Variants in POTEF observed in about 807,000 individuals in gnomAD.
POTEF encodes ANKRD26-like family C member 1B.
Under a neutral mutation model 83.2 loss-of-function variants are expected in POTEF, and 20 were observed. The ratio of observed to expected loss-of-function variants is 0.24; its 90% CI spans 0.17 to 0.35. The LOEUF (loss-of-function observed/expected upper bound fraction) is 0.35, where lower values mean the gene tolerates loss of function less well. Among genes scored for constraint, POTEF ranks in the 10% least tolerant of loss-of-function variants. The pLI, the probability that POTEF is intolerant of heterozygous loss-of-function variation, is 1.00. For synonymous variants in POTEF, 196 were observed against 446.4 expected, an observed-to-expected ratio of 0.44 and a Z score of 7.07; for missense variants, 550 against 1,203.2, an observed-to-expected ratio of 0.46 and a Z score of 8.03.
In POTEF at chr2:130,114,297, A is replaced by C. The variant is rs192940160; in HGVS notation, c.810+584T>G. Among the ~76,000 whole-genome samples, 1,354 of 151,530 alleles carry C rather than the reference A, an allele frequency of 8.9e-3. 18 individuals carry two copies. The highest frequency in any genetic ancestry group is 0.013 in the Admixed American group (192 of 15,212). ...AACAAATCAGTCAACAACAACAACAACACACACACACACAACCTCTTCATG... is the reference window on the plus strand; with the variant it reads ...AACAAATCAGTCAACAACAACAACACCACACACACACACAACCTCTTCATG... On this transcript the variant is annotated intron_variant, in intron 5 of 16. Transcript: ENST00000409914.
rs1558878615 is a variant in POTEF, at chr2:130,075,023, C to T, written c.2449G>A (p.Glu817Lys). ...EATLNPKANREKMTQIMFETF... is the reference protein window; with the variant it reads ...EATLNPKANRKKMTQIMFETF... Reference sequence around the variant, plus strand: ...TCAAACATGATCTGGGTCATCTTCTCGCGGTTGGCCTTAGGGTTCAGGGTG... The same window carrying T: ...TCAAACATGATCTGGGTCATCTTCTTGCGGTTGGCCTTAGGGTTCAGGGTG... Residue 817 changes from glutamate to lysine, a missense_variant, in exon 17 of 17, where the codon GAG (glutamate) becomes AAG (lysine). Physicochemically the swap from Glu to Lys is moderately conservative, Grantham distance 56. Transcript: ENST00000409914. 2.5e-6 allele frequency: 4 copies of T among 1,613,618 alleles called. No homozygotes were observed. Among genetic ancestry groups the T allele is most frequent in the South Asian group, 2.2e-5 (2 of 91,058 alleles).
At chr2:130,109,913 G>A (rs906025467) in intron 7 of POTEF, among the ~76,000 whole-genome samples, 32 of 151,348 alleles carry the variant, frequency 2.1e-4, no homozygotes, top group Non-Finnish European at 2.9e-4. Context: ...ATAAGCATAG[G>A]TATGGGAATT....
intron 2 of POTEF, among the ~76,000 whole-genome samples, chr2:130,126,585 A>G (rs1414242008): frequency 6.6e-6 from 1 of 152,078 alleles, no homozygotes; most frequent in Non-Finnish European, 1.5e-5. Context: ...AAACCTTCTA[A>G]TGACCTTGAG....
At position 130,110,791 on chromosome 2, in the gene POTEF, C is replaced by A; in HGVS notation, c.918-111G>T. 3 of 927,504 alleles carry A rather than the reference C, an allele frequency of 3.2e-6. 1 individual carries two copies. Among genetic ancestry groups the A allele is most frequent in the Non-Finnish European group, 2.8e-6 (2 of 714,002 alleles). The allele number at this position is 927,504 out of a possible 1,614,324, so 57.5% of individuals were successfully genotyped here. On this transcript the variant is annotated intron_variant, in intron 6 of 16. Transcript: ENST00000409914. ...GTGCAGAATCAAACATTTACATGCA[C>A]TAAAAGACATAAGCAACCTGAGTGC...
chr2:130,104,298 TA>T (rs1684453470), intron 8 of POTEF, among the ~76,000 whole-genome samples: 1 of 141,800 alleles, frequency 7.1e-6, no homozygotes, highest in African/African-American at 2.8e-5. Flanking sequence ...GCTGTGACAA[TA>T]AAGCAAAGAA....
At position 130,124,456 on chromosome 2, in the gene POTEF, T is replaced by C. The variant is rs1685052600; in HGVS notation, c.-94+3253A>G. ...TTAAATTTATCTGACCTGTCCTGTA[T>C]TTCCCTCTTTTGTAATTAGTCATTC... On this transcript the variant is annotated intron_variant, in intron 2 of 16. Coordinates refer to ENST00000409914, the MANE Select transcript of POTEF (RefSeq NM_001099771.2). Among the ~76,000 whole-genome samples, 4 of 118,328 alleles carry C rather than the reference T, an allele frequency of 3.4e-5. No homozygotes were observed. The South Asian group carries it at 1.1e-3, about 31-fold the overall frequency. 77.6% of individuals were successfully genotyped at this position (118,328 alleles called of 152,430 possible).
rs1290556355 is a variant in POTEF, at chr2:130,120,526, C to T, written c.-11G>A. 6 of 1,612,418 alleles carry T rather than the reference C, an allele frequency of 3.7e-6. No homozygotes were observed. The highest frequency in any genetic ancestry group is 4.2e-6 in the Non-Finnish European group (5 of 1,179,696). ...AACCTCAACCACCATCTGCTTTTAACAGCCAGGAGAAGCCAGTAGTAGCCA... is the reference window on the plus strand; with the variant it reads ...AACCTCAACCACCATCTGCTTTTAATAGCCAGGAGAAGCCAGTAGTAGCCA... On this transcript the variant is annotated 5_prime_UTR_variant, in exon 3 of 17. Coordinates refer to ENST00000409914, the MANE Select transcript of POTEF (RefSeq NM_001099771.2).
At chr2:130,120,671 C>T in intron 2 of POTEF, 63 bp from the exon 3 acceptor site, 2 of 1,341,328 alleles carry the variant, frequency 1.5e-6, no homozygotes, top group Non-Finnish European at 2.0e-6. Flanking sequence ...GATTCCAGCC[C>T]AGCCCACCCC....
Position 130,092,965 on chromosome 2 carries a change from G to A in POTEF, c.1480+473C>T, listed in dbSNP as rs940682767. Reference sequence around the variant, plus strand: ...GCCACACAGGAGTAGGTGCGCAGCAGGCAAGCCAGGGAAGCTTCATCTGTA... The same window carrying A: ...GCCACACAGGAGTAGGTGCGCAGCAAGCAAGCCAGGGAAGCTTCATCTGTA... On this transcript the variant is annotated intron_variant, in intron 12 of 16. Coordinates refer to ENST00000409914, the MANE Select transcript of POTEF (RefSeq NM_001099771.2). 1.1e-4 allele frequency among the ~76,000 whole-genome samples: 14 copies of A among 124,000 alleles called. 3 individuals carry two copies. Among genetic ancestry groups the A allele is most frequent in the African/African-American group, 4.5e-4 (14 of 30,786 alleles). 81.3% of individuals were successfully genotyped at this position (124,000 alleles called of 152,430 possible).
chr2:130,100,742 G>T (rs1684346749), intron 9 of POTEF, 22 bp from the exon 10 acceptor site: 1 of 1,607,808 alleles, frequency 6.2e-7, no homozygotes, highest in African/African-American at 1.4e-5. Context: ...AAAACAGAAG[G>T]TTAATTTGCT....
chr2:130,123,344 G>A (rs996370536), intron 2 of POTEF, among the ~76,000 whole-genome samples: 30 of 151,530 alleles, frequency 2.0e-4, no homozygotes, highest in Non-Finnish European at 3.5e-4. Flanking sequence ...GCCAAGAGTT[G>A]ACCAAAGGTG....
chr2:130,076,241 T>TTAA (rs1169136348), intron 16 of POTEF, among the ~76,000 whole-genome samples: 29 of 130,834 alleles, frequency 2.2e-4, no homozygotes, highest in African/African-American at 7.8e-4. Flanking sequence ...ATCGCGATTC[T>TTAA]TAAAAGGAGA....
chr2:130,112,052 A>G lies in POTEF; in HGVS notation c.860T>C (p.Val287Ala), dbSNP rs374497122. ...LLGVHEQKQQ[V>A]VKFLIKKKAN... The stretch of plus-strand genomic sequence containing the variant: ...TTTTTTCTTAATTAAAAATTTCACG[A>G]CTTGCTGTTTTTGCTCATGTACACC... The change falls in exon 6 of 17, where the codon GTC (valine) becomes GCC (alanine). Residue 287 changes from valine to alanine, a missense_variant. Physicochemically the swap from Val to Ala is moderately conservative, Grantham distance 64. Coordinates refer to ENST00000409914, the MANE Select transcript of POTEF (RefSeq NM_001099771.2). 45 of 1,373,432 alleles carry G rather than the reference A, an allele frequency of 3.3e-5. 10 individuals carry two copies. Among genetic ancestry groups the G allele is most frequent in the Non-Finnish European group, 4.4e-5 (45 of 1,023,192 alleles). 85.1% of individuals were successfully genotyped at this position (1,373,432 alleles called of 1,614,324 possible). A position where few individuals can be genotyped will look rare whatever the true frequency, so the allele number is the denominator to read the frequency against.
intron 11 of POTEF, among the ~76,000 whole-genome samples, chr2:130,097,439 A>G (rs1210145218): frequency 8.1e-6 from 1 of 122,970 alleles, no homozygotes; most frequent in Admixed American, 8.4e-5. Context: ...GTAGTTTTCA[A>G]ATTTTATATA....
chr2:130,074,249 A>G lies in POTEF; in HGVS notation c.3223T>C (p.Leu1075=). 3.7e-6 allele frequency: 6 copies of G among 1,608,950 alleles called. 1 individual carries two copies. The highest frequency in any genetic ancestry group is 5.1e-6 in the Non-Finnish European group (6 of 1,178,272). The change falls in exon 17 of 17, where the codon TTG becomes CTG. Residue 1075 remains leucine, a synonymous_variant. Transcript: ENST00000409914. ...GCAACTAAGTCAGAGTCCACCTACA[A>G]GCATTTGCGGTGGACAATGGAGGGG... ...SGPSIVHRKC[L] is the part of the protein sequence containing the mutation.
intron 2 of POTEF, chr2:130,120,997 A>G (rs1684988496): frequency 2.6e-5 from 6 of 230,404 alleles, no homozygotes; most frequent in Admixed American, 5.4e-5. Flanking sequence ...CAGGCCAGCC[A>G]AGCCGTTACG....
chr2:130,098,769 ATATG>A (rs1684320224), intron 11 of POTEF, among the ~76,000 whole-genome samples: 1 of 118,104 alleles, frequency 8.5e-6, no homozygotes, highest in African/African-American at 3.8e-5. Context: ...ACATAAGTAT[ATATG>A]TAACAAATCT....
intron 2 of POTEF, among the ~76,000 whole-genome samples, chr2:130,122,937 CACAG>C (rs1685028540): frequency 6.7e-6 from 1 of 148,802 alleles, no homozygotes; most frequent in Admixed American, 6.7e-5. Context: ...GAGTCTAAAA[CACAG>C]ACAATCTCAC....
chr2:130,111,173 TCTTA>T lies in POTEF; in HGVS notation c.918-497_918-494del, dbSNP rs1307527333. 3.3e-5 allele frequency among the ~76,000 whole-genome samples: 5 copies of T among 150,736 alleles called. No individual in the cohort carries two copies. In the South Asian group the frequency reaches 6.2e-4, roughly 19 times the overall value. On this transcript the variant is annotated intron_variant, in intron 6 of 16. Transcript: ENST00000409914. ...CTGAATTAAATGCCACATATATCTTTCTTACTTATGCACAGCCAACTTTGAAGGA... is the reference window on the plus strand; with the variant it reads ...CTGAATTAAATGCCACATATATCTTTCTTATGCACAGCCAACTTTGAAGGA...
Sources: gnomAD v4.1 joint callset for allele counts (sites outside exome capture counted in the v4.1 genomes callset) on GRCh38, gnomAD v4.1.1 for gene constraint, MANE v1.5 for transcripts, NCBI Gene and HGNC (gene_info 2026-07-23, HGNC 2026-07-21) for gene names.